The following CSMD1 variants were observed in gnomAD, a reference collection of about 807,000 sequenced individuals.
CSMD1 encodes CUB and sushi domain-containing protein 1.
A neutral mutation model predicts 417.5 loss-of-function variants in CSMD1; 213 were observed. That is an observed-to-expected ratio of 0.51 (90% CI 0.46 to 0.57). The LOEUF is 0.57. CSMD1 is among the 20% of genes least tolerant of loss of function. CSMD1 has a pLI of 0.00. For missense variants in CSMD1, 6,923 were observed against 4,529.7 expected (o/e 1.53, Z -15.17); for synonymous variants, 2,862 against 1,736.8 (o/e 1.65, Z -16.11).
chr8:4,451,860 T>G (rs1799167135), intron 2 of CSMD1, among the ~76,000 whole-genome samples: 1 of 151,760 alleles, frequency 6.6e-6, no homozygotes, highest in African/African-American at 2.4e-5. Flanking sequence ...ATTTATGCTT[T>G]CCCTTTCAAA....
intron 5 of CSMD1, among the ~76,000 whole-genome samples, chr8:3,798,915 G>A (rs1407100996): frequency 6.6e-6 from 1 of 151,914 alleles, no homozygotes; most frequent in East Asian, 1.9e-4. Flanking sequence ...AAGAAATGTG[G>A]AGTCAAGCTA....
At chr8:4,186,734 C>G (rs1392528821) in intron 3 of CSMD1, among the ~76,000 whole-genome samples, 5 of 151,866 alleles carry the variant, frequency 3.3e-5, no homozygotes, top group South Asian at 2.1e-4. Context: ...CACCTGTAAT[C>G]CCAGCAATTT....
chr8:3,104,937 C>A (rs1816026685), intron 46 of CSMD1, among the ~76,000 whole-genome samples: 1 of 152,148 alleles, frequency 6.6e-6, no homozygotes, highest in South Asian at 2.1e-4. Context: ...ACCTCCCAGC[C>A]TCAGGTGATC....
chr8:3,430,790 G>A (rs1159655133), intron 12 of CSMD1, among the ~76,000 whole-genome samples: 1 of 152,128 alleles, frequency 6.6e-6, no homozygotes, highest in Non-Finnish European at 1.5e-5. Flanking sequence ...CTGGGTAACA[G>A]AACGAGACTC....
chr8:4,298,899 C>A (rs1027945935), intron 3 of CSMD1, among the ~76,000 whole-genome samples: 1 of 151,746 alleles, frequency 6.6e-6, no homozygotes, highest in Non-Finnish European at 1.5e-5. Flanking sequence ...AATTTTACAT[C>A]ATATATATGT....
At chr8:4,545,000 C>G (rs1797567731) in intron 2 of CSMD1, among the ~76,000 whole-genome samples, 1 of 152,156 alleles carries the variant, frequency 6.6e-6, no homozygotes, top group South Asian at 2.1e-4. Context: ...GCATTTTACT[C>G]TATATTTATC....
chr8:4,428,723 A>ATT (rs1797702436), intron 2 of CSMD1, among the ~76,000 whole-genome samples: 1 of 151,902 alleles, frequency 6.6e-6, no homozygotes, highest in Non-Finnish European at 1.5e-5. Flanking sequence ...TTTGTGTATT[A>ATT]TTTATTTATT....
At chr8:4,204,863 A>C (rs999078902) in intron 3 of CSMD1, among the ~76,000 whole-genome samples, 1 of 152,048 alleles carries the variant, frequency 6.6e-6, no homozygotes, top group African/African-American at 2.4e-5. Flanking sequence ...GTATCACTAT[A>C]TTCCCCAGGC....
At chr8:3,943,670 C>G (rs180961354) in intron 5 of CSMD1, among the ~76,000 whole-genome samples, 2 of 151,956 alleles carry the variant, frequency 1.3e-5, no homozygotes, top group African/African-American at 4.8e-5. Flanking sequence ...CAACAGGGGT[C>G]CCCTGCTATA....
intron 1 of CSMD1, among the ~76,000 whole-genome samples, chr8:4,983,056 G>A (rs1374654694): frequency 6.6e-6 from 1 of 151,954 alleles, no homozygotes; most frequent in African/African-American, 2.4e-5. Flanking sequence ...ATTGTCACCA[G>A]AAGAAAAAAA....
At chr8:3,311,604 G>C (rs115575706) in intron 23 of CSMD1, among the ~76,000 whole-genome samples, 1,971 of 152,286 alleles carry the variant, frequency 0.013, 43 homozygotes, top group African/African-American at 0.045. Flanking sequence ...TGCTAGTATT[G>C]AATACTGTAC....
chr8:3,249,143 TA>T (rs1800088738), intron 26 of CSMD1, among the ~76,000 whole-genome samples: 1 of 152,122 alleles, frequency 6.6e-6, no homozygotes, highest in Non-Finnish European at 1.5e-5. Context: ...AGGTATTAAA[TA>T]GTAACTATTA....
chr8:4,735,845 C>T (rs1339220504), intron 1 of CSMD1, among the ~76,000 whole-genome samples: 1 of 152,114 alleles, frequency 6.6e-6, no homozygotes, highest in Non-Finnish European at 1.5e-5. Context: ...TGAACTGAGG[C>T]CTTTCTGATT....
At chr8:3,881,198 T>C (rs1439340843) in intron 5 of CSMD1, among the ~76,000 whole-genome samples, 4 of 151,992 alleles carry the variant, frequency 2.6e-5, no homozygotes, top group Admixed American at 1.3e-4. Context: ...TCTCTACAAA[T>C]GTATTATATA....
At chr8:4,037,839 T>C (rs13277932) in intron 3 of CSMD1, among the ~76,000 whole-genome samples, 1 of 152,032 alleles carries the variant, frequency 6.6e-6, no homozygotes, top group Non-Finnish European at 1.5e-5. Context: ...AATATTAATA[T>C]ATTATAAAGT....
chr8:3,439,545 T>C (rs1814835138), intron 12 of CSMD1, among the ~76,000 whole-genome samples: 1 of 150,940 alleles, frequency 6.6e-6, no homozygotes, highest in South Asian at 2.1e-4. Flanking sequence ...TTAAGAGTTC[T>C]TTATGAGTTC....
At chr8:4,109,086 C>G (rs1160624141) in intron 3 of CSMD1, among the ~76,000 whole-genome samples, 1 of 152,166 alleles carries the variant, frequency 6.6e-6, no homozygotes, top group Non-Finnish European at 1.5e-5. Flanking sequence ...TAACCGCATC[C>G]ATTCTCCCTA....
At chr8:3,410,641 C>A (rs1332456438) in intron 12 of CSMD1, among the ~76,000 whole-genome samples, 1 of 152,310 alleles carries the variant, frequency 6.6e-6, no homozygotes, top group Non-Finnish European at 1.5e-5. Flanking sequence ...GTCCATTAAA[C>A]CTTTTTCTTT....
intron 26 of CSMD1, among the ~76,000 whole-genome samples, chr8:3,246,909 T>C (rs1799919804): frequency 3.3e-5 from 5 of 152,236 alleles, no homozygotes; most frequent in African/African-American, 1.2e-4. Context: ...TTCTCTCTTT[T>C]TTTGCTGTAG....
Sources: allele counts gnomAD v4.1 joint callset (sites outside exome capture counted in the v4.1 genomes callset), GRCh38; gene constraint gnomAD v4.1.1; transcripts MANE v1.5; gene names NCBI Gene and HGNC (gene_info 2026-07-23, HGNC 2026-07-21).